Variants in PTPRM observed in about 807,000 individuals in gnomAD.
PTPRM encodes receptor-type tyrosine-protein phosphatase mu.
A neutral mutation model predicts 186.7 loss-of-function variants in PTPRM; 47 were observed. The observed-to-expected ratio is 0.25, with a 90% CI of 0.20 to 0.32. PTPRM has a LOEUF of 0.32. PTPRM is among the 10% of genes least tolerant of loss of function. The pLI is 1.00. For synonymous variants in PTPRM, 668 were observed against 674.9 expected, an observed-to-expected ratio of 0.99 and a Z score of 0.16; for missense variants, 1,494 against 1,865.0, an observed-to-expected ratio of 0.80 and a Z score of 3.66.
chr18:7,695,099 A>G (rs2039815901), intron 1 of PTPRM, among the ~76,000 whole-genome samples: 1 of 152,142 alleles, frequency 6.6e-6, no homozygotes, highest in Non-Finnish European at 1.5e-5. Flanking sequence ...CTCAGTCGCA[A>G]AGTCAGGGTT....
intron 23 of PTPRM, among the ~76,000 whole-genome samples, chr18:8,357,417 A>C (rs2095569039): frequency 6.6e-6 from 1 of 152,212 alleles, no homozygotes; most frequent in African/African-American, 2.4e-5. Flanking sequence ...AAAATTACTT[A>C]AAGCTATCCC....
chr18:7,936,252 G>T (rs1409748536), intron 5 of PTPRM, among the ~76,000 whole-genome samples: 1 of 152,154 alleles, frequency 6.6e-6, no homozygotes, highest in African/African-American at 2.4e-5. Flanking sequence ...GCAGGCAGGA[G>T]CCCTGCCCTC....
intron 21 of PTPRM, among the ~76,000 whole-genome samples, chr18:8,316,609 T>G (rs993720749): frequency 1.3e-5 from 2 of 152,166 alleles, no homozygotes; most frequent in African/African-American, 4.8e-5. Context: ...GCAGAAAAAC[T>G]GTGAACCGTT....
At chr18:7,630,366 A>G (rs2038162786) in intron 1 of PTPRM, among the ~76,000 whole-genome samples, 2 of 152,104 alleles carry the variant, frequency 1.3e-5, no homozygotes, top group African/African-American at 2.4e-5. Flanking sequence ...ACCTGAGAAG[A>G]ACAGCCTTGG....
At chr18:7,831,968 T>C (rs1395120110) in intron 2 of PTPRM, among the ~76,000 whole-genome samples, 1 of 152,242 alleles carries the variant, frequency 6.6e-6, no homozygotes, top group Non-Finnish European at 1.5e-5. Context: ...TCATTCTTTT[T>C]ATGGCTGAAT....
chr18:7,675,603 T>C (rs1481615987), intron 1 of PTPRM, among the ~76,000 whole-genome samples: 3 of 152,184 alleles, frequency 2.0e-5, no homozygotes, highest in Non-Finnish European at 4.4e-5. Flanking sequence ...AAGCCCCTTC[T>C]CACTTGGTTG....
At position 8,227,087 on chromosome 18, in the gene PTPRM, A is replaced by T. The variant is rs1480742081; in HGVS notation, c.2301-16971A>T. On this transcript the variant is annotated intron_variant, in intron 14 of 32. Coordinates refer to ENST00000580170, the MANE Select transcript of PTPRM (RefSeq NM_001105244.2). ...CAATTCCAACCACAGCTTTAATTTC[A>T]TTTTGCCAAGTAATGTACCAGATTG... Among the ~76,000 whole-genome samples, 3 of 152,174 alleles carry T rather than the reference A, an allele frequency of 2.0e-5. 1 individual carries two copies. The highest frequency in any genetic ancestry group is 4.1e-4 in the South Asian group (2 of 4,826).
Position 7,567,883 on chromosome 18 carries a change from C to G in PTPRM, c.65C>G (p.Thr22Arg). 2 of 1,558,652 alleles carry G rather than the reference C, an allele frequency of 1.3e-6. No individual in the cohort carries two copies. The highest frequency in any genetic ancestry group is 1.7e-6 in the Non-Finnish European group (2 of 1,157,330). Residue 22 changes from threonine (T) to arginine (R), a missense_variant, in exon 1 of 33, where the codon ACG (threonine) becomes AGG (arginine). Thr to Arg is a moderately conservative substitution (Grantham distance 71). Around this residue, in one of 3 missense-constraint regions of PTPRM, gnomAD observed 296 missense variants for 345.5 expected, o/e 0.86. Transcript: ENST00000580170. This position sits in a 1 kb window ranked among gnomAD's most constrained non-coding sequence, Gnocchi z 4.3. ...AGLLLTAAGETFSGGCLFDEP... is the reference protein window; with the variant it reads ...AGLLLTAAGERFSGGCLFDEP... ...CTTTTGCTAACTGCGGCGGGCGAGA[C>G]GTTCTCAGGTAAGCGGGACCGCCTC...
intron 7 of PTPRM, among the ~76,000 whole-genome samples, chr18:7,962,783 G>A (rs1417238468): frequency 2.0e-5 from 3 of 152,234 alleles, no homozygotes; most frequent in Non-Finnish European, 4.4e-5. Flanking sequence ...GCCAAAACCT[G>A]ATGTATTTTC....
chr18:8,276,703 A>G (rs1462760133), intron 19 of PTPRM, among the ~76,000 whole-genome samples: 1 of 152,192 alleles, frequency 6.6e-6, no homozygotes, highest in African/African-American at 2.4e-5. Context: ...GAACCACAGG[A>G]CAGCTGACTC....
At chr18:8,332,867 A>G (rs1217310828) in intron 22 of PTPRM, among the ~76,000 whole-genome samples, 1 of 152,256 alleles carries the variant, frequency 6.6e-6, no homozygotes, top group Non-Finnish European at 1.5e-5. Context: ...CTAATAAGGT[A>G]TATTTTATTA....
At chr18:7,984,624 CACACAA>C (rs1568129413) in intron 7 of PTPRM, among the ~76,000 whole-genome samples, 1 of 136,858 alleles carries the variant, frequency 7.3e-6, no homozygotes, top group Admixed American at 7.6e-5. Context: ...CACACACACA[CACACAA>C]ACCCCCATAT....
intron 14 of PTPRM, among the ~76,000 whole-genome samples, chr18:8,231,176 A>T (rs1364974036): frequency 1.3e-5 from 2 of 152,178 alleles, no homozygotes; most frequent in Non-Finnish European, 2.9e-5. Flanking sequence ...CCCCAGTGAC[A>T]ATCTGTTGAC....
At chr18:7,810,928 T>C (rs1353135807) in intron 2 of PTPRM, among the ~76,000 whole-genome samples, 2 of 152,238 alleles carry the variant, frequency 1.3e-5, no homozygotes, top group East Asian at 3.8e-4. Flanking sequence ...TTAACTTCAT[T>C]TTAAATGAAT....
intron 7 of PTPRM, among the ~76,000 whole-genome samples, chr18:7,955,788 C>T (rs2053270063): frequency 6.6e-6 from 1 of 152,122 alleles, no homozygotes; most frequent in Non-Finnish European, 1.5e-5. Context: ...AGTTAATGTG[C>T]CAGCAGCCTG....
At chr18:8,186,872 A>G (rs988714371) in intron 14 of PTPRM, among the ~76,000 whole-genome samples, 7 of 152,126 alleles carry the variant, frequency 4.6e-5, no homozygotes, top group Non-Finnish European at 1.5e-5. Flanking sequence ...AGTGACGTGC[A>G]TGGTTCTGTC....
intron 2 of PTPRM, among the ~76,000 whole-genome samples, chr18:7,830,718 C>A (rs569352280): frequency 1.3e-5 from 2 of 152,304 alleles, no homozygotes; most frequent in South Asian, 4.1e-4. Flanking sequence ...ACTGAAGCTG[C>A]CAATCATCCT....
At chr18:8,310,413 C>G (rs140635823) in intron 20 of PTPRM, among the ~76,000 whole-genome samples, 14 of 150,892 alleles carry the variant, frequency 9.3e-5, no homozygotes, top group African/African-American at 3.4e-4. Flanking sequence ...TCTCTGTTCT[C>G]ATTTCCCACC....
At chr18:7,725,448 C>T (rs2040528279) in intron 1 of PTPRM, among the ~76,000 whole-genome samples, 1 of 152,142 alleles carries the variant, frequency 6.6e-6, no homozygotes, top group East Asian at 1.9e-4. Context: ...AGTCCCTATC[C>T]TCAAGCCAAA....
Sources: gnomAD v4.1 joint callset for allele counts (sites outside exome capture counted in the v4.1 genomes callset) on GRCh38, gnomAD v4.1.1 for gene constraint, gnomAD v4.1.1 regional missense constraint, Gnocchi (gnomAD v3.1) non-coding constraint, MANE v1.5 for transcripts, NCBI Gene and HGNC (gene_info 2026-07-23, HGNC 2026-07-21) for gene names.